The following PCDH9 variants were observed in gnomAD, a reference collection of about 807,000 sequenced individuals.
PCDH9 encodes the protein protocadherin-9.
Under a neutral mutation model 70.6 loss-of-function variants are expected in PCDH9, and 24 were observed. That is an observed-to-expected ratio of 0.34 (90% CI 0.25 to 0.48). The LOEUF (loss-of-function observed/expected upper bound fraction) is 0.48, where lower values mean the gene tolerates loss of function less well. Ranked by LOEUF, PCDH9 falls within the 20% of genes least tolerant of loss-of-function variation. PCDH9 has a pLI of 0.99. For missense variants in PCDH9, 1,281 were observed against 1,503.6 expected (o/e 0.85, Z 2.45); for synonymous variants, 562 against 558.5 (o/e 1.01, Z -0.09).
chr13:67,009,496 TCA>T (rs1377260644), intron 2 of PCDH9, among the ~76,000 whole-genome samples: 4 of 152,034 alleles, frequency 2.6e-5, no homozygotes, highest in Non-Finnish European at 4.4e-5. Flanking sequence ...AAGCCTCAAG[TCA>T]CAAAAAGCCT....
intron 4 of PCDH9, among the ~76,000 whole-genome samples, chr13:66,505,574 G>A (rs370657226): frequency 6.6e-6 from 1 of 152,098 alleles, no homozygotes; most frequent in East Asian, 1.9e-4. Context: ...TGAGGGGGAG[G>A]CCTCACAATC....
intron 2 of PCDH9, among the ~76,000 whole-genome samples, chr13:67,174,560 G>A (rs1322097985): frequency 1.3e-5 from 2 of 152,128 alleles, no homozygotes; most frequent in African/African-American, 4.8e-5. Flanking sequence ...ATGTGTGGGA[G>A]CTCCTATAGC....
At chr13:66,929,826 T>C (rs2082778222) in intron 2 of PCDH9, among the ~76,000 whole-genome samples, 2 of 152,152 alleles carry the variant, frequency 1.3e-5, no homozygotes, top group South Asian at 2.1e-4. Flanking sequence ...AATTTTCATA[T>C]AAAGTGCACC....
intron 2 of PCDH9, among the ~76,000 whole-genome samples, chr13:66,968,178 C>G (rs1451512088): frequency 6.6e-6 from 1 of 151,990 alleles, no homozygotes; most frequent in Non-Finnish European, 1.5e-5. Flanking sequence ...TAAATACTTG[C>G]AGGTGACTAT....
At chr13:66,720,326 G>GTTTT (rs66600272) in intron 3 of PCDH9, among the ~76,000 whole-genome samples, 2 of 132,032 alleles carry the variant, frequency 1.5e-5, no homozygotes, top group Admixed American at 7.8e-5. Context: ...TTGCTTTTTT[G>GTTTT]TTTTTTTTTT....
intron 4 of PCDH9, among the ~76,000 whole-genome samples, chr13:66,628,081 G>A (rs904803692): frequency 6.6e-6 from 1 of 152,126 alleles, no homozygotes; most frequent in Non-Finnish European, 1.5e-5. Flanking sequence ...TTAGGAGAAA[G>A]CAGACCCGTA....
chr13:66,383,486 C>G (rs1262425921), intron 4 of PCDH9, among the ~76,000 whole-genome samples: 2 of 152,084 alleles, frequency 1.3e-5, no homozygotes, highest in African/African-American at 4.8e-5. Context: ...AATTGTTTTC[C>G]AAGTATTTGA....
intron 2 of PCDH9, among the ~76,000 whole-genome samples, chr13:67,082,746 A>G (rs1345010097): frequency 6.6e-6 from 1 of 152,166 alleles, no homozygotes; most frequent in Non-Finnish European, 1.5e-5. Flanking sequence ...TTAATTACCA[A>G]TCCTTATATG....
At chr13:66,457,082 C>G (rs1958331463) in intron 4 of PCDH9, among the ~76,000 whole-genome samples, 1 of 151,984 alleles carries the variant, frequency 6.6e-6, no homozygotes, top group Non-Finnish European at 1.5e-5. Flanking sequence ...AGTCTGCGTA[C>G]TTGTGCCTAT....
In PCDH9 at chr13:66,839,513, C is replaced by T. The variant is rs375727644; in HGVS notation, c.3138+63991G>A. Among the ~76,000 whole-genome samples the T allele has an allele frequency of 9.1e-4, 138 of 152,312 alleles. No homozygotes were observed. In the Middle Eastern group the frequency reaches 0.02, roughly 23 times the overall value. ...TACGCCTCTGAAACGTCTTCCTGTG[C>T]GATGGGTACTTGCAGTGGCCTTTGC... On this transcript the variant is annotated intron_variant, in intron 3 of 4. Transcript: ENST00000377865.
chr13:66,441,638 C>A (rs1267087520), intron 4 of PCDH9, among the ~76,000 whole-genome samples: 3 of 151,920 alleles, frequency 2.0e-5, no homozygotes, highest in Non-Finnish European at 4.4e-5. Flanking sequence ...CTAACGAGTT[C>A]TCTTTACAAT....
intron 2 of PCDH9, chr13:67,223,069 TAA>T (rs2089769073): frequency 6.6e-6 from 1 of 152,146 alleles, no homozygotes; most frequent in Admixed American, 6.6e-5. Context: ...CTCTTTATCA[TAA>T]GAGTGAATTA....
chr13:67,218,630 A>G (rs2089659515), intron 2 of PCDH9: 2 of 152,078 alleles, frequency 1.3e-5, no homozygotes, highest in African/African-American at 4.8e-5. Flanking sequence ...AAGATATTAC[A>G]CAAACATGAT....
chr13:66,394,592 T>C (rs577016838), intron 4 of PCDH9, among the ~76,000 whole-genome samples: 2 of 152,296 alleles, frequency 1.3e-5, no homozygotes, highest in East Asian at 3.9e-4. Flanking sequence ...TTCCAAACTA[T>C]AAAAAAGGAC....
chr13:66,895,505 T>C (rs1339734032), intron 3 of PCDH9, among the ~76,000 whole-genome samples: 1 of 152,234 alleles, frequency 6.6e-6, no homozygotes, highest in Non-Finnish European at 1.5e-5. Flanking sequence ...CATGACCATG[T>C]TCTCTGCAAA....
At chr13:67,055,831 T>G (rs560783502) in intron 2 of PCDH9, among the ~76,000 whole-genome samples, 2 of 151,852 alleles carry the variant, frequency 1.3e-5, no homozygotes, top group East Asian at 3.9e-4. Flanking sequence ...ACAAAAATAT[T>G]GTCTAAATAC....
chr13:66,444,267 T>C (rs1406439685), intron 4 of PCDH9, among the ~76,000 whole-genome samples: 1 of 152,174 alleles, frequency 6.6e-6, no homozygotes, highest in East Asian at 1.9e-4. Flanking sequence ...TTGATCAGAA[T>C]TACTCTGTTG....
intron 3 of PCDH9, among the ~76,000 whole-genome samples, chr13:66,865,147 T>C (rs2081551573): frequency 6.6e-6 from 1 of 152,214 alleles, no homozygotes; most frequent in Non-Finnish European, 1.5e-5. Context: ...ACTGTCTAAA[T>C]AGTTTGGAAA....
At chr13:66,499,486 A>G (rs1959165906) in intron 4 of PCDH9, among the ~76,000 whole-genome samples, 1 of 152,210 alleles carries the variant, frequency 6.6e-6, no homozygotes, top group African/African-American at 2.4e-5. Flanking sequence ...AGATGGTTAA[A>G]AATCATGATG....
Sources: allele counts gnomAD v4.1 joint callset (sites outside exome capture counted in the v4.1 genomes callset), GRCh38; gene constraint gnomAD v4.1.1; transcripts MANE v1.5; gene names NCBI Gene and HGNC (gene_info 2026-07-23, HGNC 2026-07-21).